Variants in SEMA3E observed in about 807,000 individuals in gnomAD.
SEMA3E encodes the protein semaphorin-3E.
A neutral mutation model predicts 93.6 loss-of-function variants in SEMA3E; 49 were observed. That is an observed-to-expected ratio of 0.52 (90% CI 0.42 to 0.66). The LOEUF (loss-of-function observed/expected upper bound fraction) is 0.66. Among genes scored for constraint, SEMA3E ranks in the 30% least tolerant of loss-of-function variants. The pLI, the probability that SEMA3E is intolerant of heterozygous loss-of-function variation, is 0.00. For missense variants in SEMA3E, 906 were observed against 964.8 expected (o/e 0.94, Z 0.81); for synonymous variants, 363 against 330.7 (o/e 1.10, Z -1.06).
At chr7:83,594,705 C>G (rs944414301) in intron 1 of SEMA3E, among the ~76,000 whole-genome samples, 4 of 151,832 alleles carry the variant, frequency 2.6e-5, no homozygotes, top group African/African-American at 9.7e-5. Context: ...TATCCGTTTC[C>G]CCTTTCTAAG....
intron 2 of SEMA3E, among the ~76,000 whole-genome samples, chr7:83,478,872 C>T (rs1790077735): frequency 6.6e-6 from 1 of 152,210 alleles, no homozygotes; most frequent in Non-Finnish European, 1.5e-5. Flanking sequence ...GCTTCTAATA[C>T]AGATGTACCT....
At chr7:83,410,101 T>C (rs1788409737) in intron 5 of SEMA3E, among the ~76,000 whole-genome samples, 1 of 151,792 alleles carries the variant, frequency 6.6e-6, no homozygotes, top group East Asian at 1.9e-4. Context: ...TAATTCTAAT[T>C]AGTTTTTCTC....
intron 1 of SEMA3E, among the ~76,000 whole-genome samples, chr7:83,585,000 C>T (rs1033268281): frequency 6.6e-6 from 1 of 152,236 alleles, no homozygotes; most frequent in Middle Eastern, 3.4e-3. Context: ...ATCCTCTGGC[C>T]CCTGCCTAGG....
At chr7:83,503,763 A>C (rs1441626496) in intron 1 of SEMA3E, among the ~76,000 whole-genome samples, 1 of 152,222 alleles carries the variant, frequency 6.6e-6, no homozygotes, top group East Asian at 1.9e-4. Context: ...AAGGTAAAAT[A>C]AAAATACTGC....
intron 4 of SEMA3E, among the ~76,000 whole-genome samples, chr7:83,424,449 A>G (rs1788730862): frequency 6.6e-6 from 1 of 152,188 alleles, no homozygotes; most frequent in Admixed American, 6.5e-5. Context: ...TAGAGATAAT[A>G]TGAATACTAA....
chr7:83,471,362 C>T (rs1261994895), intron 2 of SEMA3E, among the ~76,000 whole-genome samples: 1 of 145,522 alleles, frequency 6.9e-6, no homozygotes, highest in African/African-American at 2.5e-5. Flanking sequence ...ATAGACCGCT[C>T]CTGTCAGGAT....
chr7:83,408,474 A>G lies in SEMA3E; in HGVS notation c.564T>C (p.Phe188=), dbSNP rs1788369473. Reference sequence around the variant, plus strand: ...TCCAGTAGTCACTGTAGAGTCCAGCAAACAATTCACTACCTACACGGGAGC... The same window carrying G: ...TCCAGTAGTCACTGTAGAGTCCAGCGAACAATTCACTACCTACACGGGAGC... ...FISTLIGSEL[F]AGLYSDYWSR... Residue 188 remains phenylalanine, a synonymous_variant, in exon 6 of 17, where the codon TTT becomes TTC. Transcript: ENST00000643230. 1 of 1,613,658 alleles carries G rather than the reference A, an allele frequency of 6.2e-7. No individual in the cohort carries two copies. The highest frequency in any genetic ancestry group is 8.5e-7 in the Non-Finnish European group (1 of 1,179,850).
intron 1 of SEMA3E, among the ~76,000 whole-genome samples, chr7:83,519,006 A>G (rs1224003098): frequency 4.6e-5 from 7 of 151,832 alleles, no homozygotes; most frequent in Non-Finnish European, 1.0e-4. Flanking sequence ...GTTTTAGGGT[A>G]CATGTGCACA....
intron 6 of SEMA3E, 49 bp downstream of exon 6, chr7:83,408,319 T>G (rs1007473351): frequency 3.1e-6 from 5 of 1,611,306 alleles, no homozygotes; most frequent in Non-Finnish European, 4.2e-6. Context: ...TCCGTAAGTT[T>G]TAGAGTTGAT....
intron 4 of SEMA3E, among the ~76,000 whole-genome samples, chr7:83,439,512 G>A (rs1789068655): frequency 6.6e-6 from 1 of 152,144 alleles, no homozygotes. Context: ...AGGAGAAAAT[G>A]TACCTATATC....
At chr7:83,549,948 A>G (rs1366559129) in intron 1 of SEMA3E, among the ~76,000 whole-genome samples, 2 of 152,226 alleles carry the variant, frequency 1.3e-5, no homozygotes, top group South Asian at 2.1e-4. Flanking sequence ...AGGTTAAAGC[A>G]TCCACATTAT....
intron 1 of SEMA3E, among the ~76,000 whole-genome samples, chr7:83,533,538 T>G (rs1284147618): frequency 6.6e-6 from 1 of 150,702 alleles, no homozygotes; most frequent in African/African-American, 2.4e-5. Flanking sequence ...AGTGAGACCG[T>G]TTCTCAATAA....
intron 5 of SEMA3E, among the ~76,000 whole-genome samples, chr7:83,417,405 GT>G (rs552675719): frequency 6.0e-4 from 92 of 152,142 alleles, no homozygotes; most frequent in Middle Eastern, 3.4e-3. Context: ...GTATAATATG[GT>G]TTAATCATCA....
intron 1 of SEMA3E, among the ~76,000 whole-genome samples, chr7:83,537,055 ACT>A (rs761688494): frequency 2.7e-5 from 4 of 147,354 alleles, no homozygotes; most frequent in Non-Finnish European, 4.5e-5. Context: ...TCTCTCTCTC[ACT>A]CTCTCTCTTT....
intron 16 of SEMA3E, among the ~76,000 whole-genome samples, chr7:83,377,240 G>C (rs981507788): frequency 6.6e-6 from 1 of 152,010 alleles, no homozygotes; most frequent in African/African-American, 2.4e-5. Flanking sequence ...AACAAAGTGA[G>C]AGCTAACTTT....
chr7:83,424,879 G>A (rs1400096839), intron 4 of SEMA3E: 3 of 273,626 alleles, frequency 1.1e-5, no homozygotes, highest in Non-Finnish European at 7.3e-6. Context: ...ATGGGGCCCT[G>A]ACCTACAGAG....
At chr7:83,621,871 C>T (rs1793564823) in intron 1 of SEMA3E, among the ~76,000 whole-genome samples, 1 of 152,098 alleles carries the variant, frequency 6.6e-6, no homozygotes, top group Non-Finnish European at 1.5e-5. Context: ...AAATGTAAAA[C>T]CCATAACTAT....
intron 1 of SEMA3E, among the ~76,000 whole-genome samples, chr7:83,574,481 A>G (rs954824395): frequency 6.6e-6 from 1 of 151,084 alleles, no homozygotes; most frequent in Non-Finnish European, 1.5e-5. Flanking sequence ...AGAGAGAGAG[A>G]GACTAAGGTA....
chr7:83,538,347 C>T (rs1382976356), intron 1 of SEMA3E, among the ~76,000 whole-genome samples: 1 of 152,122 alleles, frequency 6.6e-6, no homozygotes, highest in Non-Finnish European at 1.5e-5. Flanking sequence ...CCTCCCAACA[C>T]TTTTTATCTG....
Sources: gnomAD v4.1 joint callset for allele counts (sites outside exome capture counted in the v4.1 genomes callset) on GRCh38, gnomAD v4.1.1 for gene constraint, MANE v1.5 for transcripts, NCBI Gene and HGNC (gene_info 2026-07-23, HGNC 2026-07-21) for gene names.